The following RBFOX1 variants were observed in gnomAD, a reference collection of about 807,000 sequenced individuals.
RBFOX1 encodes RNA binding fox-1 homolog 1, also known as RNA binding protein fox-1 homolog 1.
RBFOX1 carries 8 observed loss-of-function variants against 57.7 expected under a neutral mutation model. The observed-to-expected ratio is 0.14, with a 90% CI of 0.08 to 0.25. The LOEUF (loss-of-function observed/expected upper bound fraction) is 0.25, where lower values mean the gene tolerates loss of function less well. Among genes scored for constraint, RBFOX1 ranks in the 10% least tolerant of loss-of-function variants. The pLI, the probability that RBFOX1 is intolerant of heterozygous loss-of-function variation, is 1.00. For missense variants in RBFOX1, 611 were observed against 548.5 expected (o/e 1.11, Z -1.14); for synonymous variants, 326 against 222.4 (o/e 1.47, Z -4.15).
At chr16:7,019,652 G>T (rs557291661) in intron 3 of RBFOX1, among the ~76,000 whole-genome samples, 56 of 152,210 alleles carry the variant, frequency 3.7e-4, no homozygotes, top group East Asian at 9.7e-4. Flanking sequence ...CCTAGGCTAG[G>T]CCATTACTGG....
intron 1 of RBFOX1, among the ~76,000 whole-genome samples, chr16:6,132,163 C>T (rs2035677885): frequency 6.6e-6 from 1 of 152,124 alleles, no homozygotes; most frequent in Admixed American, 6.5e-5. Flanking sequence ...ACCTTTTTCC[C>T]CATGGGTGGT....
chr16:5,610,011 CCTT>C (rs2047718349), intron 3 of RBFOX1, among the ~76,000 whole-genome samples: 1 of 152,128 alleles, frequency 6.6e-6, no homozygotes, highest in African/African-American at 2.4e-5. Flanking sequence ...TGCTTAGCAC[CCTT>C]CTTCTTTTCT....
rs112501887 is a variant in RBFOX1 at position 7,179,907 on chromosome 16, G to C, written c.27+127809G>C. On this transcript the variant is annotated intron_variant, in intron 4 of 15. Transcript: ENST00000550418. Reference sequence around the variant, plus strand: ...CTGCCACCACGTCCAGCTAATTTTTGTATTTTTTTTTTTTTAGTAGAGATG... The same window carrying C: ...CTGCCACCACGTCCAGCTAATTTTTCTATTTTTTTTTTTTTAGTAGAGATG... Among the ~76,000 whole-genome samples the C allele has an allele frequency of 1.7e-3, 256 of 149,190 alleles. 1 individual carries two copies. Among genetic ancestry groups the C allele is most frequent in the African/African-American group, 6.2e-3 (249 of 40,140 alleles).
At chr16:7,168,962 T>C (rs2080131747) in intron 4 of RBFOX1, among the ~76,000 whole-genome samples, 1 of 152,178 alleles carries the variant, frequency 6.6e-6, no homozygotes, top group Admixed American at 6.5e-5. Flanking sequence ...ATGAACTCCA[T>C]GGGGAATAAT....
intron 4 of RBFOX1, among the ~76,000 whole-genome samples, chr16:7,484,727 G>C (rs1248631105): frequency 6.6e-6 from 1 of 152,200 alleles, no homozygotes. Flanking sequence ...GCCTCCCAAA[G>C]TTCTGGGATG....
chr16:6,027,389 G>A (rs2095216383), intron 1 of RBFOX1, among the ~76,000 whole-genome samples: 1 of 152,270 alleles, frequency 6.6e-6, no homozygotes, highest in African/African-American at 2.4e-5. Context: ...AATAGCAGAG[G>A]CACCATGATA....
chr16:7,178,706 A>C (rs927020860), intron 4 of RBFOX1, among the ~76,000 whole-genome samples: 1 of 152,162 alleles, frequency 6.6e-6, no homozygotes, highest in African/African-American at 2.4e-5. Flanking sequence ...AGTCATTATC[A>C]GTTTTGTTAA....
chr16:5,732,528 G>A (rs553234991), intron 3 of RBFOX1, among the ~76,000 whole-genome samples: 3 of 152,308 alleles, frequency 2.0e-5, no homozygotes, highest in African/African-American at 7.2e-5. Context: ...ACATAGGGGA[G>A]AGGCAGGGAC....
chr16:5,990,701 CT>C (rs2060377705), intron 4 of RBFOX1, among the ~76,000 whole-genome samples: 1 of 150,638 alleles, frequency 6.6e-6, no homozygotes, highest in South Asian at 2.1e-4. Flanking sequence ...GGCACAGTGG[CT>C]CACGCCTGTA....
At chr16:6,911,618 G>A (rs189372945) in intron 3 of RBFOX1, among the ~76,000 whole-genome samples, 11 of 152,196 alleles carry the variant, frequency 7.2e-5, no homozygotes, top group South Asian at 4.1e-4. Flanking sequence ...TCCAAATCAC[G>A]TCTCACAGAT....
intron 3 of RBFOX1, among the ~76,000 whole-genome samples, chr16:6,963,326 G>A (rs2083409632): frequency 6.6e-6 from 1 of 152,008 alleles, no homozygotes; most frequent in Admixed American, 6.6e-5. Context: ...AAATAAGTGG[G>A]GTTCTCAGCT....
intron 3 of RBFOX1, among the ~76,000 whole-genome samples, chr16:6,873,131 G>GA (rs555045539): frequency 0.016 from 2,132 of 132,762 alleles, 37 homozygotes; most frequent in African/African-American, 0.041. Context: ...CTATGCATTG[G>GA]AAAAAAAAAA....
chr16:6,615,566 T>C (rs2098129893), intron 2 of RBFOX1, among the ~76,000 whole-genome samples: 1 of 145,130 alleles, frequency 6.9e-6, no homozygotes, highest in African/African-American at 2.6e-5. Context: ...CGAATCTCCA[T>C]CTAAAAAAAA....
At chr16:7,406,864 T>C (rs8043821) in intron 4 of RBFOX1, among the ~76,000 whole-genome samples, 137,118 of 152,200 alleles carry the variant, frequency 0.9, 61,840 homozygotes, top group South Asian at 0.96. Flanking sequence ...TTGCATTTTC[T>C]AGTTTCTAGA....
rs893717517 is a variant in RBFOX1, at chr16:5,926,585, G to A, written c.351+59250G>A. Among the ~76,000 whole-genome samples, 8 of 152,198 alleles carry A rather than the reference G, an allele frequency of 5.3e-5. No homozygotes were observed. The East Asian group carries it at 1.2e-3, about 22-fold the overall frequency. On this transcript the variant is annotated intron_variant, in intron 4 of 19. Transcript: ENST00000641259. ...CTACTACACCTCAGACTCGTAACTC[G>A]TTGTGTGACCTTGGAAAAATCACCT...
At position 5,892,680 on chromosome 16, in the gene RBFOX1, T is replaced by C. The variant is rs74004683; in HGVS notation, c.351+25345T>C. ...TCAAATTCACCCTGCTAAAGACGGC[T>C]TCCCAGACGGGATTCCTAAGTCAAG... is the stretch of plus-strand genomic sequence containing the variant. On this transcript the variant is annotated intron_variant, in intron 4 of 19. Transcript: ENST00000641259. Among the ~76,000 whole-genome samples, 800 of 152,276 alleles carry C rather than the reference T, an allele frequency of 5.3e-3. 7 individuals carry two copies. The highest frequency in any genetic ancestry group is 0.018 in the African/African-American group (734 of 41,552).
At chr16:7,078,158 A>AT in intron 4 of RBFOX1, among the ~76,000 whole-genome samples, 1 of 152,194 alleles carries the variant, frequency 6.6e-6, no homozygotes, top group East Asian at 1.9e-4. Context: ...TAGTCTCTGG[A>AT]TTTCAAAAGT....
intron 4 of RBFOX1, among the ~76,000 whole-genome samples, chr16:7,140,448 T>G (rs765502561): frequency 3.3e-5 from 5 of 151,992 alleles, no homozygotes; most frequent in African/African-American, 1.2e-4. Context: ...TTCCCAAATA[T>G]GTAGTTTTGT....
At chr16:6,319,792 C>G (rs2081545100) in intron 2 of RBFOX1, among the ~76,000 whole-genome samples, 1 of 152,156 alleles carries the variant, frequency 6.6e-6, no homozygotes, top group Non-Finnish European at 1.5e-5. Flanking sequence ...GAACTTAAGC[C>G]TCAGCATGAT....
Sources: gnomAD v4.1 joint callset for allele counts (sites outside exome capture counted in the v4.1 genomes callset) on GRCh38, gnomAD v4.1.1 for gene constraint, MANE v1.5 for transcripts, NCBI Gene and HGNC (gene_info 2026-07-23, HGNC 2026-07-21) for gene names.